UBE4A: variants seen among roughly 807,000 people sequenced by gnomAD.
UBE4A encodes the protein ubiquitin conjugation factor E4 A.
A neutral mutation model predicts 117.9 loss-of-function variants in UBE4A; 48 were observed. The observed-to-expected ratio is 0.41, with a 90% confidence interval of 0.32 to 0.52. The LOEUF (loss-of-function observed/expected upper bound fraction) is 0.52, where lower values mean the gene tolerates loss of function less well. Among genes scored for constraint, UBE4A ranks in the 20% least tolerant of loss-of-function variants. UBE4A has a pLI of 0.33. For synonymous variants in UBE4A, 407 were observed against 450.0 expected (o/e 0.90, Z 1.21); for missense variants, 1,067 against 1,296.3 (o/e 0.82, Z 2.72).
At chr11:118,369,693 G>A (rs1314324763) in intron 4 of UBE4A, among the ~76,000 whole-genome samples, 158 bp downstream of exon 4, 1 of 145,446 alleles carries the variant, frequency 6.9e-6, no homozygotes, top group East Asian at 2.0e-4. Context: ...TAACCTGGAT[G>A]TGCATCTCTA....
chr11:118,389,624 T>G, intron 16 of UBE4A, 101 bp from the exon 17 acceptor site: 1 of 1,116,302 alleles, frequency 9.0e-7, no homozygotes. Context: ...TGTTTAGAAA[T>G]AAAATAACAG....
intron 16 of UBE4A, among the ~76,000 whole-genome samples, chr11:118,386,909 A>T (rs1197424601): frequency 6.6e-6 from 1 of 152,224 alleles, no homozygotes; most frequent in African/African-American, 2.4e-5. Context: ...ACATATATAC[A>T]TATATGTTTG....
intron 18 of UBE4A, 69 bp downstream of exon 18, chr11:118,390,873 A>C: frequency 7.0e-6 from 11 of 1,573,316 alleles, no homozygotes; most frequent in South Asian, 2.2e-5. Context: ...ATGATGGCTC[A>C]AGCCTGTAGT....
At position 118,373,634 on chromosome 11, in the gene UBE4A, A is replaced by G. The variant is rs1361277516; in HGVS notation, c.1065A>G (p.Pro355=). 7 of 1,613,998 alleles carry G rather than the reference A, an allele frequency of 4.3e-6. No homozygotes were observed. The highest frequency in any genetic ancestry group is 4.2e-6 in the Non-Finnish European group (5 of 1,180,036). ...AAAATCATGGCTACTTTTTGAATCC[A>G]TCTCGTTCCAGCCCCCAGGAGATCA... ...VVENHGYFLN[P]SRSSPQEIKV... Residue 355 remains proline, a synonymous_variant, in exon 8 of 20, where the codon CCA becomes CCG. Coordinates refer to ENST00000252108, the MANE Select transcript of UBE4A (RefSeq NM_001204077.2).
chr11:118,375,275 T>TGTGTGTGTAA (rs782571711), intron 9 of UBE4A, 46 bp downstream of exon 9: 6 of 1,477,616 alleles, frequency 4.1e-6, no homozygotes, highest in Non-Finnish European at 5.5e-6. Flanking sequence ...TGTGTGTGTG[T>TGTGTGTGTAA]AACGTGTAAA....
At chr11:118,367,195 A>G (rs1948570654) in intron 2 of UBE4A, among the ~76,000 whole-genome samples, 5 of 151,636 alleles carry the variant, frequency 3.3e-5, no homozygotes, top group Admixed American at 2.0e-4. Flanking sequence ...GTGAGAGTCC[A>G]TCTCAAAAAA....
Position 118,386,489 on chromosome 11 carries a change from G to T in UBE4A, c.2464G>T (p.Asp822Tyr), listed in dbSNP as rs145416431. The T allele has an allele frequency of 1.2e-6, 2 of 1,610,202 alleles. No individual in the cohort carries two copies. Among genetic ancestry groups the T allele is most frequent in the African/African-American group, 1.3e-5 (1 of 74,580 alleles). ...QQIEKDRGEWDSLTPEARREK... is the reference protein window; with the variant it reads ...QQIEKDRGEWYSLTPEARREK... ...AATTGAGAAGGATCGAGGTGAATGG[G>T]ATAGTCTGACTCCAGAAGCCCGCCG... Residue 822 changes from aspartate (D) to tyrosine (Y), a missense_variant, in exon 16 of 20, where the codon GAT (aspartate) becomes TAT (tyrosine). Physicochemically the swap from Asp to Tyr is radical, Grantham distance 160 (BLOSUM62 -3). Transcript: ENST00000252108.
intron 11 of UBE4A, among the ~76,000 whole-genome samples, chr11:118,380,224 A>AT (rs1201319896): frequency 1.3e-5 from 2 of 150,180 alleles, no homozygotes; most frequent in Admixed American, 1.3e-4. Flanking sequence ...TAATCAGGTT[A>AT]TGTGTTCTTA....
In UBE4A at chr11:118,396,499, G is replaced by A; in HGVS notation, c.*59G>A. On this transcript the variant is annotated 3_prime_UTR_variant, in exon 20 of 20. Coordinates refer to ENST00000252108, the MANE Select transcript of UBE4A (RefSeq NM_001204077.2). The stretch of plus-strand genomic sequence containing the variant: ...AGAGTGCAGATAAACAATTGTTTGT[G>A]GTTTCTCTCTTTCTGGTTCTGTTCC... 1 of 1,541,926 alleles carries A rather than the reference G, an allele frequency of 6.5e-7. No individual in the cohort carries two copies. Among genetic ancestry groups the A allele is most frequent in the Non-Finnish European group, 8.7e-7 (1 of 1,150,150 alleles).
chr11:118,363,131 A>C (rs1257003445), intron 1 of UBE4A, among the ~76,000 whole-genome samples: 6 of 152,210 alleles, frequency 3.9e-5, no homozygotes. Flanking sequence ...ACAGGTAATA[A>C]TTAAACTTGT....
intron 10 of UBE4A, among the ~76,000 whole-genome samples, chr11:118,377,215 C>T (rs1463541213): frequency 4.6e-5 from 7 of 151,992 alleles, no homozygotes; most frequent in South Asian, 2.1e-4. Context: ...TTATCGTTGT[C>T]GTTGTTGTTG....
At chr11:118,383,243 T>G (rs890350890) in intron 13 of UBE4A, among the ~76,000 whole-genome samples, 4 of 152,118 alleles carry the variant, frequency 2.6e-5, no homozygotes, top group Non-Finnish European at 4.4e-5. Flanking sequence ...GGTTGAGAGA[T>G]TCTTTTATCT....
At chr11:118,393,376 C>G (rs1948837506) in intron 19 of UBE4A, among the ~76,000 whole-genome samples, 1 of 152,130 alleles carries the variant, frequency 6.6e-6, no homozygotes, top group South Asian at 2.1e-4. Context: ...GAGATCGCAC[C>G]ACTGCACTCC....
At chr11:118,385,023 A>C in intron 15 of UBE4A, 78 bp downstream of exon 15, 1 of 1,344,756 alleles carries the variant, frequency 7.4e-7, no homozygotes, top group South Asian at 1.3e-5. Context: ...TTTACCTTTT[A>C]ATCATAATAG....
intron 13 of UBE4A, among the ~76,000 whole-genome samples, chr11:118,383,588 CAA>C (rs11375309): frequency 3.7e-5 from 2 of 54,218 alleles, no homozygotes; most frequent in Admixed American, 2.0e-4. Flanking sequence ...AAATCCCTCT[CAA>C]AAAAAAAAAA....
chr11:118,387,779 T>C (rs1171254360), intron 16 of UBE4A, among the ~76,000 whole-genome samples: 1 of 152,144 alleles, frequency 6.6e-6, no homozygotes, highest in East Asian at 1.9e-4. Context: ...CATTTGAAGC[T>C]GAGACACATT....
rs1948607778 is a variant in UBE4A, at chr11:118,371,428, A to C, written c.409-86A>C. Reference sequence around the variant, plus strand: ...TTCAAATCTGTGATTCTTGCTAATAACCTGTGTCAGAATTACCTTTTACAT... The same window carrying C: ...TTCAAATCTGTGATTCTTGCTAATACCCTGTGTCAGAATTACCTTTTACAT... On this transcript the variant is annotated intron_variant, in intron 4 of 19. Coordinates refer to ENST00000252108, the MANE Select transcript of UBE4A (RefSeq NM_001204077.2). 2.8e-6 allele frequency: 4 copies of C among 1,444,118 alleles called. No homozygotes were observed. The South Asian group carries it at 5.7e-5, about 20-fold the overall frequency. The allele number at this position is 1,444,118 out of a possible 1,614,324, so 89.5% of individuals were successfully genotyped here. A position where few individuals can be genotyped will look rare whatever the true frequency, so the allele number is the denominator to read the frequency against.
chr11:118,384,099 C>T (rs1555126781), intron 13 of UBE4A, among the ~76,000 whole-genome samples: 1 of 152,216 alleles, frequency 6.6e-6, no homozygotes, highest in Non-Finnish European at 1.5e-5. Flanking sequence ...AAATCCTACA[C>T]TCTTCCTTTA....
In UBE4A at chr11:118,384,905, T is replaced by G; in HGVS notation, c.2372T>G (p.Leu791Arg). ...PPLFLRFLNLLMNDAIFLLDE... is the reference protein window; with the variant it reads ...PPLFLRFLNLRMNDAIFLLDE... ...CTTTTCCTCCGCTTTCTTAACCTGC[T>G]AATGAATGATGCCATCTTCCTTTTG... The change falls in exon 15 of 20, where the codon CTA becomes CGA. Residue 791 changes from leucine to arginine, a missense_variant. By Grantham distance (102) the Leu-to-Arg change is moderately radical. This residue lies in a region of UBE4A where 1,001 missense variants were observed against 1,184.0 expected (regional missense o/e 0.85). Transcript: ENST00000252108. The G allele has an allele frequency of 6.2e-7, 1 of 1,603,360 alleles. No individual in the cohort carries two copies. The highest frequency in any genetic ancestry group is 8.5e-7 in the Non-Finnish European group (1 of 1,176,956).
Sources: allele counts gnomAD v4.1 joint callset (sites outside exome capture counted in the v4.1 genomes callset), GRCh38; gene constraint gnomAD v4.1.1; regional missense constraint gnomAD v4.1.1; transcripts MANE v1.5; gene names NCBI Gene and HGNC (gene_info 2026-07-23, HGNC 2026-07-21).